The following GLI2 variants were observed in gnomAD, a reference collection of about 807,000 sequenced individuals.
The protein encoded by GLI2 is GLI family zinc finger 2, also known as transcription activator GLI2.
Under a neutral mutation model 78.9 loss-of-function variants are expected in GLI2, and 22 were observed. That is an observed-to-expected ratio of 0.28 (90% CI 0.20 to 0.40). The LOEUF (loss-of-function observed/expected upper bound fraction) is 0.40. Ranked by LOEUF, GLI2 falls within the 10% of genes least tolerant of loss-of-function variation. GLI2 has a pLI of 1.00. For missense variants in GLI2, 2,097 were observed against 2,213.2 expected (o/e 0.95, Z 1.05); for synonymous variants, 974 against 963.7 (o/e 1.01, Z -0.20).
At chr2:120,954,132 TGGCAGGA>T (rs1681125213) in intron 4 of GLI2, among the ~76,000 whole-genome samples, 1 of 152,210 alleles carries the variant, frequency 6.6e-6, no homozygotes, top group African/African-American at 2.4e-5. Flanking sequence ...CAAGAGCAGC[TGGCAGGA>T]GGTCTGAATT....
At chr2:120,747,511 A>G (rs759183728) in intron 1 of GLI2, among the ~76,000 whole-genome samples, 3 of 152,212 alleles carry the variant, frequency 2.0e-5, no homozygotes, top group Non-Finnish European at 2.9e-5. Context: ...CAAGGGCTAT[A>G]GCACTGATTT....
intron 5 of GLI2, among the ~76,000 whole-genome samples, chr2:120,957,290 A>G (rs777478854): frequency 2.6e-5 from 4 of 152,184 alleles, no homozygotes; most frequent in Non-Finnish European, 5.9e-5. Context: ...TAAGCACACC[A>G]TCCAGATGTT....
intron 2 of GLI2, among the ~76,000 whole-genome samples, chr2:120,881,999 G>A (rs1463899579): frequency 1.3e-5 from 2 of 152,030 alleles, no homozygotes; most frequent in African/African-American, 2.4e-5. Context: ...ATGTCATAGG[G>A]GACAACTAAG....
intron 10 of GLI2, among the ~76,000 whole-genome samples, chr2:120,982,328 G>A (rs1013619833): frequency 7.9e-5 from 12 of 152,232 alleles, no homozygotes; most frequent in African/African-American, 1.4e-4. Flanking sequence ...AGTGGTACTG[G>A]GAAACAGTTC....
chr2:120,818,071 G>A (rs1437750950), intron 2 of GLI2, among the ~76,000 whole-genome samples: 1 of 152,186 alleles, frequency 6.6e-6, no homozygotes, highest in African/African-American at 2.4e-5. Flanking sequence ...CAGGGCCCTT[G>A]GTTCAAGGGC....
intron 2 of GLI2, among the ~76,000 whole-genome samples, chr2:120,892,776 G>C (rs138793597): frequency 3.3e-5 from 5 of 152,344 alleles, no homozygotes; most frequent in South Asian, 2.1e-4. Context: ...GTGGAGCTCA[G>C]CTGCCCTTGC....
intron 5 of GLI2, among the ~76,000 whole-genome samples, chr2:120,961,055 T>C (rs1681529528): frequency 6.6e-6 from 1 of 152,190 alleles, no homozygotes; most frequent in Admixed American, 6.5e-5. Flanking sequence ...TTTCTCATGT[T>C]ATGCTGTTGA....
chr2:120,806,457 G>GC (rs575510695), intron 2 of GLI2, among the ~76,000 whole-genome samples: 128 of 151,964 alleles, frequency 8.4e-4, no homozygotes, highest in African/African-American at 2.9e-3. Context: ...GGGAGGCAGT[G>GC]TCTGAGCCTG....
chr2:120,938,961 T>C (rs914039724), intron 3 of GLI2, among the ~76,000 whole-genome samples: 1 of 152,108 alleles, frequency 6.6e-6, no homozygotes, highest in African/African-American at 2.4e-5. Context: ...AAAATTGGTC[T>C]TATTGATTAT....
At chr2:120,832,735 CT>C (rs1446117516) in intron 2 of GLI2, among the ~76,000 whole-genome samples, 6 of 152,130 alleles carry the variant, frequency 3.9e-5, no homozygotes, top group African/African-American at 1.4e-4. Context: ...AGCTCTTTCC[CT>C]GCAGGCTGTG....
chr2:120,988,417 T>C lies in GLI2; in HGVS notation c.2452T>C (p.Ser818Pro). 6.4e-7 allele frequency: 1 copy of C among 1,574,582 alleles called. No homozygotes were observed. The highest frequency in any genetic ancestry group is 8.5e-7 in the Non-Finnish European group (1 of 1,170,042). The stretch of plus-strand genomic sequence containing the variant: ...CTCCCCCTACTTCTCCAGCCGCCGC[T>C]CCAGCGAGGCCTCGCCCCTGGGCGC... ...GISPYFSSRR[S>P]SEASPLGAGR... Residue 818 changes from serine (S) to proline (P), a missense_variant, in exon 14 of 14, where the codon TCC becomes CCC. This residue lies in a region of GLI2 where 1,290 missense variants were observed against 1,261.7 expected (regional missense o/e 1.02). Coordinates refer to ENST00000361492, the MANE Select transcript of GLI2 (RefSeq NM_001374353.1).
At chr2:120,753,118 A>G (rs1474143619) in intron 1 of GLI2, among the ~76,000 whole-genome samples, 3 of 130,592 alleles carry the variant, frequency 2.3e-5, no homozygotes, top group Non-Finnish European at 4.7e-5. Context: ...TTTTTGAGAC[A>G]GAGTCTCGCT....
At position 120,742,979 on chromosome 2, in the gene GLI2, A is replaced by G. The variant is rs79234450; in HGVS notation, c.-31+6694A>G. 9.5e-3 allele frequency among the ~76,000 whole-genome samples: 1,450 copies of G among 152,326 alleles called. 15 individuals are homozygous for G. The highest frequency in any genetic ancestry group is 0.033 in the African/African-American group (1,353 of 41,556). On this transcript the variant is annotated intron_variant, in intron 1 of 13. Transcript: ENST00000361492. ...CCTCAGATGGGGAGATTAGTATGCA[A>G]ATATTTGCAGTGCAGCAACCCTTGA...
intron 12 of GLI2, among the ~76,000 whole-genome samples, chr2:120,985,022 G>A (rs1163877756): frequency 2.0e-5 from 3 of 152,140 alleles, no homozygotes; most frequent in African/African-American, 4.8e-5. Context: ...TGCACAGGGC[G>A]GGGGTGGCCC....
chr2:120,859,920 T>C (rs777944633), intron 2 of GLI2, among the ~76,000 whole-genome samples: 1 of 151,888 alleles, frequency 6.6e-6, no homozygotes, highest in Non-Finnish European at 1.5e-5. Context: ...CCCAAAGTGC[T>C]GCGATGACAG....
intron 3 of GLI2, among the ~76,000 whole-genome samples, chr2:120,948,811 G>A (rs567420542): frequency 5.9e-5 from 9 of 152,312 alleles, no homozygotes; most frequent in South Asian, 4.1e-4. Flanking sequence ...TAGGGCCACC[G>A]GCATCTGATT....
chr2:120,786,164 G>T (rs535367615), intron 1 of GLI2, among the ~76,000 whole-genome samples: 68 of 152,352 alleles, frequency 4.5e-4, no homozygotes, highest in African/African-American at 1.5e-3. Context: ...GTCTCAGCGA[G>T]TGTCAGAGCC....
intron 11 of GLI2, among the ~76,000 whole-genome samples, chr2:120,983,656 G>A (rs1207654884): frequency 1.3e-5 from 2 of 152,234 alleles, no homozygotes; most frequent in Non-Finnish European, 2.9e-5. Flanking sequence ...CCCTATCTGG[G>A]CTGAGAGAAC....
intron 3 of GLI2, among the ~76,000 whole-genome samples, chr2:120,933,663 G>C (rs1285055185): frequency 6.6e-6 from 1 of 152,200 alleles, no homozygotes; most frequent in African/African-American, 2.4e-5. Context: ...GGCGAGGAAG[G>C]GTCCCTAAGT....
Sources: gnomAD v4.1 joint callset for allele counts (sites outside exome capture counted in the v4.1 genomes callset) on GRCh38, gnomAD v4.1.1 for gene constraint, gnomAD v4.1.1 regional missense constraint, MANE v1.5 for transcripts, NCBI Gene and HGNC (gene_info 2026-07-23, HGNC 2026-07-21) for gene names.